PCDHGA3: variants seen among roughly 807,000 people sequenced by gnomAD.
The protein encoded by PCDHGA3 is protocadherin gamma-A3.
Under a neutral mutation model 58.5 loss-of-function variants are expected in PCDHGA3, and 40 were observed. That is an observed-to-expected ratio of 0.68 (90% CI 0.53 to 0.89). The LOEUF is 0.89. Ranked by LOEUF, PCDHGA3 falls within the 40% of genes least tolerant of loss-of-function variation. The probability of loss-of-function intolerance (pLI) is 0.00; values close to 1 mark genes in which losing one functional copy is unlikely to be tolerated. For synonymous variants in PCDHGA3, 530 were observed against 525.7 expected (o/e 1.01, Z -0.11); for missense variants, 1,223 against 1,195.9 (o/e 1.02, Z -0.33).
chr5:141,371,888 G>C (rs1464333099), intron 1 of PCDHGA3: 1 of 1,613,320 alleles, frequency 6.2e-7, no homozygotes, highest in East Asian at 2.2e-5. Context: ...ACCTGGAGCC[G>C]CGGGAGCTGT....
intron 1 of PCDHGA3, chr5:141,371,905 A>G (rs768388601): frequency 6.2e-7 from 1 of 1,613,358 alleles, no homozygotes; most frequent in Non-Finnish European, 8.5e-7. Context: ...CTGTCGTCCT[A>G]CGTGTCCGTG....
chr5:141,438,579 CATACATACATACATAT>C (rs1360889040), intron 1 of PCDHGA3, among the ~76,000 whole-genome samples: 18 of 55,776 alleles, frequency 3.2e-4, no homozygotes, highest in Non-Finnish European at 5.1e-4. Context: ...GATATACATA[CATACATACATACATAT>C]ATATATATAT....
chr5:141,395,195 C>T (rs1317395472), intron 1 of PCDHGA3: 1 of 1,613,760 alleles, frequency 6.2e-7, no homozygotes, highest in Admixed American at 1.7e-5. Context: ...TGTTAACATC[C>T]GTAGATTTTC....
chr5:141,466,686 T>G (rs112499949), intron 1 of PCDHGA3, among the ~76,000 whole-genome samples: 2 of 152,352 alleles, frequency 1.3e-5, no homozygotes, highest in African/African-American at 4.8e-5. Flanking sequence ...CCACTCAAGC[T>G]TCATCATAAA....
chr5:141,380,372 C>G (rs73265858), intron 1 of PCDHGA3, among the ~76,000 whole-genome samples: 1 of 151,948 alleles, frequency 6.6e-6, no homozygotes, highest in African/African-American at 2.4e-5. Context: ...AAAAAAAAGT[C>G]CCAAAAAAGA....
In PCDHGA3 at chr5:141,389,258, C is replaced by T. The variant is rs373970987; in HGVS notation, c.2424+42801C>T. The stretch of plus-strand genomic sequence containing the variant: ...TCTCACAGTCTTCCTATATAGTCCA[C>T]GTGGCCGAGAACAACCCGCCTGGAG... On this transcript the variant is annotated intron_variant, in intron 1 of 3. Coordinates refer to ENST00000253812, the MANE Select transcript of PCDHGA3 (RefSeq NM_018916.4). 4 of 1,614,022 alleles carry T rather than the reference C, an allele frequency of 2.5e-6. No homozygotes were observed. The African/African-American group carries it at 4.0e-5, about 16-fold the overall frequency.
At position 141,477,811 on chromosome 5, in the gene PCDHGA3, C is replaced by A. The variant is rs1211574518; in HGVS notation, c.2425-16996C>A. 1 of 1,614,046 alleles carries A rather than the reference C, an allele frequency of 6.2e-7. No individual in the cohort carries two copies. Among genetic ancestry groups the A allele is most frequent in the Non-Finnish European group, 8.5e-7 (1 of 1,180,034 alleles). On this transcript the variant is annotated intron_variant, in intron 1 of 3. Transcript: ENST00000253812. This position sits in a 1 kb window ranked among gnomAD's most constrained non-coding sequence, Gnocchi z 4.9. ...TCACTGATCGCAATGACAATGCCCC[C>A]CAGGTCCTATATCCTCGGCCAGGTG...
At chr5:141,438,896 CCT>C (rs886177991) in intron 1 of PCDHGA3, among the ~76,000 whole-genome samples, 30 of 151,820 alleles carry the variant, frequency 2.0e-4, no homozygotes, top group Non-Finnish European at 7.4e-5. Context: ...GAACTCCTGA[CCT>C]CAGGTGATCC....
At chr5:141,390,462 A>C in intron 1 of PCDHGA3, 1 of 732,308 alleles carries the variant, frequency 1.4e-6, no homozygotes, top group South Asian at 2.0e-5. Context: ...AAGTAGGAGC[A>C]ATTGTGTGGC....
chr5:141,419,851 C>T, intron 1 of PCDHGA3: 1 of 1,614,062 alleles, frequency 6.2e-7, no homozygotes, highest in Non-Finnish European at 8.5e-7. Context: ...ACCTGGTGTT[C>T]GCAGATAGCT....
chr5:141,477,644 T>A lies in PCDHGA3; in HGVS notation c.2425-17163T>A. On this transcript the variant is annotated intron_variant, in intron 1 of 3. Coordinates refer to ENST00000253812, the MANE Select transcript of PCDHGA3 (RefSeq NM_018916.4). The surrounding 1 kb of genome is among the most constrained non-coding windows in gnomAD (Gnocchi z 4.9). ...TGAAACCGGGCTAGTGGGTCGCTAT[T>A]TCACAATAAATCGTGACAATGGCAT... The A allele has an allele frequency of 6.2e-7, 1 of 1,614,200 alleles. No homozygotes were observed. Among genetic ancestry groups the A allele is most frequent in the Non-Finnish European group, 8.5e-7 (1 of 1,180,036 alleles).
chr5:141,372,524 A>T, intron 1 of PCDHGA3: 1 of 1,613,968 alleles, frequency 6.2e-7, no homozygotes, highest in Non-Finnish European at 8.5e-7. Context: ...TGATTCTGGC[A>T]ATCTCCCTGC....
intron 1 of PCDHGA3, among the ~76,000 whole-genome samples, chr5:141,480,299 C>T: frequency 7.5e-6 from 1 of 132,466 alleles, no homozygotes; most frequent in Non-Finnish European, 1.6e-5. Flanking sequence ...CCTGTGGTAC[C>T]AGCTACTTGG....
rs1050545030 is a variant in PCDHGA3, at chr5:141,410,711, A to G, written c.2424+64254A>G. The G allele has an allele frequency of 4.2e-6, 6 of 1,436,568 alleles. No individual in the cohort carries two copies. In the African/African-American group the frequency reaches 7.6e-5, roughly 18 times the overall value. The allele number at this position is 1,436,568 out of a possible 1,614,324, so 89.0% of individuals were successfully genotyped here. A position where few individuals can be genotyped will look rare whatever the true frequency, so the allele number is the denominator to read the frequency against. ...CTACTTTATTTTCATATCTAGAATC[A>G]TATGTTTAAAATCCATAGCTTTTTA... On this transcript the variant is annotated intron_variant, in intron 1 of 3. Transcript: ENST00000253812.
intron 1 of PCDHGA3, among the ~76,000 whole-genome samples, chr5:141,450,547 C>T (rs182695399): frequency 3.4e-4 from 51 of 150,496 alleles, no homozygotes; most frequent in African/African-American, 1.0e-3. Context: ...AATGCAGTGG[C>T]GCAGTCTCGG....
At chr5:141,435,497 C>T (rs1234443531) in intron 1 of PCDHGA3, among the ~76,000 whole-genome samples, 1 of 152,154 alleles carries the variant, frequency 6.6e-6, no homozygotes, top group African/African-American at 2.4e-5. Context: ...ATTTCCTACA[C>T]TAATGATACT....
chr5:141,357,103 A>G, intron 1 of PCDHGA3: 1 of 1,613,860 alleles, frequency 6.2e-7, no homozygotes, highest in Non-Finnish European at 8.5e-7. Context: ...CCTGCTGGAC[A>G]GAGACGCGCT....
At chr5:141,414,846 G>A in intron 1 of PCDHGA3, 1 of 1,614,218 alleles carries the variant, frequency 6.2e-7, no homozygotes, top group African/African-American at 1.3e-5. Flanking sequence ...TGTTTGTGCT[G>A]GACCAGAACG....
Position 141,489,138 on chromosome 5 carries a change from T to C in PCDHGA3, c.2425-5669T>C. 1.4e-6 allele frequency: 1 copy of C among 738,808 alleles called. No homozygotes were observed. The highest frequency in any genetic ancestry group is 3.0e-5 in the Admixed American group (1 of 33,014). The allele number at this position is 738,808 out of a possible 1,614,324, so 45.8% of individuals were successfully genotyped here. On this transcript the variant is annotated intron_variant, in intron 1 of 3. Transcript: ENST00000253812. This position sits in a 1 kb window ranked among gnomAD's most constrained non-coding sequence, Gnocchi z 4.5. ...AACCTCCGAGCAGTTTTTAAGAGGC[T>C]GGAAGGAGACATAAGAGACTTCAGC...
Sources: allele counts gnomAD v4.1 joint callset (sites outside exome capture counted in the v4.1 genomes callset), GRCh38; gene constraint gnomAD v4.1.1; non-coding constraint Gnocchi (gnomAD v3.1); transcripts MANE v1.5; gene names NCBI Gene and HGNC (gene_info 2026-07-23, HGNC 2026-07-21).